The following CEP41 variants were observed in gnomAD, a reference collection of about 807,000 sequenced individuals.
CEP41 encodes centrosomal protein of 41 kDa.
CEP41 carries 32 observed loss-of-function variants against 44.3 expected under a neutral mutation model. That is an observed-to-expected ratio of 0.72 (90% CI 0.54 to 0.97). The LOEUF (loss-of-function observed/expected upper bound fraction) is 0.97. Among genes scored for constraint, CEP41 ranks in the 50% least tolerant of loss-of-function variants. The probability of loss-of-function intolerance (pLI) is 0.00; values close to 1 mark genes in which losing one functional copy is unlikely to be tolerated. For synonymous variants in CEP41, 151 were observed against 168.5 expected (o/e 0.90, Z 0.80); for missense variants, 432 against 455.2 (o/e 0.95, Z 0.46).
intron 10 of CEP41, 175 bp from the exon 11 acceptor site, chr7:130,399,214 C>T: frequency 1.4e-6 from 1 of 736,454 alleles, no homozygotes; most frequent in Non-Finnish European, 2.3e-6. Flanking sequence ...TGAGATCAGC[C>T]TGAAGGTGGG....
chr7:130,431,342 C>T (rs1797816376), intron 1 of CEP41, among the ~76,000 whole-genome samples: 1 of 152,150 alleles, frequency 6.6e-6, no homozygotes, highest in Admixed American at 6.6e-5. Context: ...TCCACAAAGA[C>T]TTATTGAGCA....
intron 3 of CEP41, among the ~76,000 whole-genome samples, chr7:130,415,111 A>G (rs2117619870): frequency 6.6e-6 from 1 of 152,362 alleles, no homozygotes; most frequent in South Asian, 2.1e-4. Flanking sequence ...TTGAAAGAAT[A>G]TTCAGATTAC....
chr7:130,438,919 A>G (rs1554426847), intron 1 of CEP41, among the ~76,000 whole-genome samples: 1 of 152,224 alleles, frequency 6.6e-6, no homozygotes, highest in East Asian at 1.9e-4. Context: ...AAATTAACAT[A>G]TCCATCAACC....
intron 1 of CEP41, among the ~76,000 whole-genome samples, chr7:130,438,484 G>A (rs760464168): frequency 9.9e-5 from 15 of 152,068 alleles, no homozygotes; most frequent in African/African-American, 1.7e-4. Context: ...GCTTGAGCCC[G>A]GGAGGTGGAG....
rs781813813 is a variant in CEP41, at chr7:130,400,817, T to G, written c.647A>C (p.Asn216Thr). ...CAGAATGATGATCTTGCCATGGGCATTTTTCTAAGAGTCAGATGAGTTAAG... is the reference window on the plus strand; with the variant it reads ...CAGAATGATGATCTTGCCATGGGCAGTTTTCTAAGAGTCAGATGAGTTAAG... ...PYSNDILEYKNAHGKIIILYD... is the reference protein window; with the variant it reads ...PYSNDILEYKTAHGKIIILYD... Residue 216 changes from asparagine to threonine, a missense_variant, in exon 9 of 11, where the codon AAT becomes ACT. Asn to Thr is a moderately conservative substitution (Grantham distance 65). Transcript: ENST00000223208. 8.1e-6 allele frequency: 13 copies of G among 1,605,186 alleles called. No individual in the cohort carries two copies. The highest frequency in any genetic ancestry group is 1.6e-4 in the Middle Eastern group (1 of 6,072).
Position 130,428,006 on chromosome 7 carries a change from T to G in CEP41, c.46A>C (p.Arg16=). 3 of 1,597,068 alleles carry G rather than the reference T, an allele frequency of 1.9e-6. No homozygotes were observed. In the African/African-American group the frequency reaches 4.0e-5, roughly 21 times the overall value. Reference sequence around the variant, plus strand: ...TGGTATCTTGGGTTCTGTGGTATCCTTTTCATCAGATACTAAAAAATAAGG... The same window carrying G: ...TGGTATCTTGGGTTCTGTGGTATCCGTTTCATCAGATACTAAAAAATAAGG... The part of the protein sequence containing the change: ...HIGNPEYLMK[R]IPQNPRYQHI... Residue 16 remains arginine, a synonymous_variant, in exon 2 of 11, where the codon AGG becomes CGG. Transcript: ENST00000223208.
At chr7:130,422,896 A>G (rs1322887201) in intron 2 of CEP41, among the ~76,000 whole-genome samples, 1 of 152,206 alleles carries the variant, frequency 6.6e-6, no homozygotes, top group Admixed American at 6.5e-5. Flanking sequence ...ATATTTGCAA[A>G]TCATATTTCT....
At chr7:130,434,896 T>C (rs1456808337) in intron 1 of CEP41, among the ~76,000 whole-genome samples, 1 of 151,988 alleles carries the variant, frequency 6.6e-6, no homozygotes. Flanking sequence ...TCAAATCATA[T>C]CAGTCCATTT....
chr7:130,408,216 G>T (rs1797071191), intron 5 of CEP41, among the ~76,000 whole-genome samples: 1 of 152,102 alleles, frequency 6.6e-6, no homozygotes, highest in East Asian at 1.9e-4. Context: ...AAATCCAGGA[G>T]AATTCTATTC....
chr7:130,440,568 C>G, intron 1 of CEP41: 1 of 454,670 alleles, frequency 2.2e-6, no homozygotes, highest in Non-Finnish European at 4.1e-6. Context: ...ATCAGAGATG[C>G]TGGCTGGCTT....
intron 1 of CEP41, among the ~76,000 whole-genome samples, chr7:130,435,229 A>T (rs1204909199): frequency 6.6e-6 from 1 of 152,192 alleles, no homozygotes; most frequent in African/African-American, 2.4e-5. Context: ...GTACATAGTG[A>T]TATAAGAAAA....
In CEP41 at chr7:130,436,266, C is replaced by T. The variant is rs182812734; in HGVS notation, c.33+4668G>A. Among the ~76,000 whole-genome samples, 25 of 150,790 alleles carry T rather than the reference C, an allele frequency of 1.7e-4. No homozygotes were observed. In the East Asian group the frequency reaches 4.9e-3, roughly 29 times the overall value. On this transcript the variant is annotated intron_variant, in intron 1 of 10. Transcript: ENST00000223208. Reference sequence around the variant, plus strand: ...TACATGCAACAACTTGTATGCGACTCAAGGACATTATCTTGAGTGAAAAAA... The same window carrying T: ...TACATGCAACAACTTGTATGCGACTTAAGGACATTATCTTGAGTGAAAAAA...
rs1376466665 is a variant in CEP41 at position 130,419,261 on chromosome 7, C to T, written c.98-2295G>A. On this transcript the variant is annotated intron_variant, in intron 2 of 10. Transcript: ENST00000223208. ...TTTCACTATAGACATTCATTCTATC[C>T]AAGAATGGGGAAAAAAGGAGAATGG... 3.0e-6 allele frequency: 3 copies of T among 984,890 alleles called. No homozygotes were observed. In the African/African-American group the frequency reaches 5.2e-5, roughly 17 times the overall value. The allele number at this position is 984,890 out of a possible 1,614,324, so 61.0% of individuals were successfully genotyped here. A position where few individuals can be genotyped will look rare whatever the true frequency, so the allele number is the denominator to read the frequency against.
Position 130,396,234 on chromosome 7 carries a change from A to C in CEP41, c.*2657T>G. 2.2e-6 allele frequency: 1 copy of C among 454,078 alleles called. No individual in the cohort carries two copies. The highest frequency in any genetic ancestry group is 4.4e-6 in the Non-Finnish European group (1 of 226,776). The allele number at this position is 454,078 out of a possible 1,614,324, so 28.1% of individuals were successfully genotyped here. On this transcript the variant is annotated 3_prime_UTR_variant, in exon 11 of 11. Transcript: ENST00000223208. ...AGCACCTTCTGTCTCAGGGTTCACA[A>C]GCCCCAGACAAGGGCAGCTAGTCAA...
intron 5 of CEP41, among the ~76,000 whole-genome samples, chr7:130,410,029 C>CTTTTTTTTTTTTTTCT (rs782636525): frequency 0.01 from 1,419 of 139,808 alleles, 52 homozygotes; most frequent in African/African-American, 0.018. Context: ...CCTCGGTCTT[C>CTTTTTTTTTTTTTTCT]TTTTTTTTTT....
intron 5 of CEP41, among the ~76,000 whole-genome samples, chr7:130,407,418 A>G (rs1194819046): frequency 6.6e-6 from 1 of 152,096 alleles, no homozygotes; most frequent in Non-Finnish European, 1.5e-5. Context: ...ATATATGTAT[A>G]TACATACATA....
intron 2 of CEP41, among the ~76,000 whole-genome samples, chr7:130,423,738 A>G (rs947752126): frequency 3.3e-5 from 5 of 152,368 alleles, no homozygotes; most frequent in Admixed American, 1.3e-4. Context: ...GAGTGGGTAA[A>G]CAAAATGTGG....
chr7:130,439,272 TGA>T (rs1798067902), intron 1 of CEP41, among the ~76,000 whole-genome samples: 1 of 152,200 alleles, frequency 6.6e-6, no homozygotes, highest in Admixed American at 6.5e-5. Flanking sequence ...ATAATACATA[TGA>T]GATACAAAAT....
intron 4 of CEP41, chr7:130,411,971 G>C (rs1405557818): frequency 1.1e-5 from 6 of 524,814 alleles, no homozygotes; most frequent in Non-Finnish European, 1.7e-5. Context: ...TTACTTTATA[G>C]AATTCTTATC....
Sources: allele counts gnomAD v4.1 joint callset (sites outside exome capture counted in the v4.1 genomes callset), GRCh38; gene constraint gnomAD v4.1.1; transcripts MANE v1.5; gene names NCBI Gene and HGNC (gene_info 2026-07-23, HGNC 2026-07-21).